Variants in FBRSL1 observed in about 807,000 individuals in gnomAD.
The protein encoded by FBRSL1 is fibrosin-1-like protein.
In FBRSL1, 51 loss-of-function variants were observed where a neutral mutation model predicts 89.6. That is an observed-to-expected ratio of 0.57 (90% CI 0.45 to 0.72). The LOEUF is 0.72. FBRSL1 is among the 30% of genes least tolerant of loss of function. The pLI, the probability that FBRSL1 is intolerant of heterozygous loss-of-function variation, is 0.00. For missense variants in FBRSL1, 1,618 were observed against 1,451.8 expected (o/e 1.11, Z -1.86); for synonymous variants, 779 against 681.1 (o/e 1.14, Z -2.24).
intron 2 of FBRSL1, among the ~76,000 whole-genome samples, chr12:132,516,163 C>T (rs1188667376): frequency 6.6e-6 from 1 of 150,932 alleles, no homozygotes; most frequent in Non-Finnish European, 1.5e-5. Flanking sequence ...ACAAAACTGA[C>T]ACAAGATGAA....
intron 8 of FBRSL1, 97 bp downstream of exon 8, chr12:132,570,637 T>TGTG: frequency 9.0e-7 from 1 of 1,116,076 alleles, no homozygotes; most frequent in Non-Finnish European, 1.2e-6. Flanking sequence ...CTCCACCTGC[T>TGTG]GTGGTCTCTG....
intron 2 of FBRSL1, chr12:132,509,153 T>C: frequency 8.7e-7 from 1 of 1,154,758 alleles, no homozygotes; most frequent in South Asian, 4.1e-5. Flanking sequence ...CACGTGCTCT[T>C]TCTTCCATGC....
At chr12:132,531,352 CAT>C (rs922339907) in intron 4 of FBRSL1, among the ~76,000 whole-genome samples, 3 of 152,186 alleles carry the variant, frequency 2.0e-5, no homozygotes, top group Admixed American at 6.5e-5. Context: ...CTGAGGCTGC[CAT>C]GTGTGTGTGG....
intron 4 of FBRSL1, among the ~76,000 whole-genome samples, chr12:132,535,041 C>T (rs2036593108): frequency 6.6e-6 from 1 of 152,244 alleles, no homozygotes; most frequent in South Asian, 2.1e-4. Context: ...GCGCACAGCC[C>T]TGCTGGAGAG....
chr12:132,560,964 A>C (rs2039075029), intron 5 of FBRSL1, among the ~76,000 whole-genome samples: 1 of 152,130 alleles, frequency 6.6e-6, no homozygotes, highest in African/African-American at 2.4e-5. Flanking sequence ...CTGTCCTAGA[A>C]GGGAAAGAGC....
At chr12:132,548,479 A>G (rs992327936) in intron 5 of FBRSL1, among the ~76,000 whole-genome samples, 1 of 152,176 alleles carries the variant, frequency 6.6e-6, no homozygotes, top group Non-Finnish European at 1.5e-5. Flanking sequence ...TGCGCAGCCT[A>G]TGACCACATC....
At chr12:132,580,488 T>A (rs1387873862) in intron 15 of FBRSL1, among the ~76,000 whole-genome samples, 3 of 152,250 alleles carry the variant, frequency 2.0e-5, no homozygotes, top group Non-Finnish European at 4.4e-5. Flanking sequence ...TAGCTTGATC[T>A]GGTGGTTGAG....
chr12:132,581,405 C>T, intron 15 of FBRSL1, 34 bp from the exon 16 acceptor site: 1 of 1,550,842 alleles, frequency 6.4e-7, no homozygotes, highest in Non-Finnish European at 8.7e-7. Context: ...GGTGCTCTCT[C>T]CTGGCTTCTG....
chr12:132,508,726 C>T (rs1019263527), intron 2 of FBRSL1, among the ~76,000 whole-genome samples: 5 of 152,244 alleles, frequency 3.3e-5, no homozygotes, highest in Admixed American at 6.5e-5. Context: ...GGCTCATTGC[C>T]GAGGGCTGTC....
At chr12:132,576,754 G>A in intron 14 of FBRSL1, 45 bp from the exon 15 acceptor site, 1 of 1,532,466 alleles carries the variant, frequency 6.5e-7, no homozygotes, top group Non-Finnish European at 8.8e-7. Context: ...CTGTGTTCAG[G>A]GCCAGTCCCC....
intron 2 of FBRSL1, chr12:132,511,833 C>A: frequency 1.0e-6 from 1 of 979,268 alleles, no homozygotes; most frequent in South Asian, 4.7e-5. Flanking sequence ...GGCCCCCTCG[C>A]TCCCCACCCA....
intron 4 of FBRSL1, among the ~76,000 whole-genome samples, chr12:132,528,432 C>G (rs1051562602): frequency 6.6e-6 from 1 of 152,184 alleles, no homozygotes; most frequent in African/African-American, 2.4e-5. Context: ...ACCTCCAATG[C>G]CCTGACCGGC....
At chr12:132,525,643 C>A in intron 2 of FBRSL1, 91 bp from the exon 3 acceptor site, 2 of 1,056,966 alleles carry the variant, frequency 1.9e-6, no homozygotes, top group Non-Finnish European at 2.8e-6. Context: ...GCTGGGGTGC[C>A]GGGAGCAGGC....
intron 2 of FBRSL1, among the ~76,000 whole-genome samples, chr12:132,513,779 G>T (rs964531567): frequency 3.3e-5 from 5 of 152,194 alleles, no homozygotes; most frequent in African/African-American, 1.2e-4. Flanking sequence ...GACTGTGGCG[G>T]TGGGGCCAAC....
At chr12:132,565,790 G>A (rs2875212) in intron 5 of FBRSL1, 65,000 of 152,048 alleles carry the variant, frequency 0.43, 14,670 homozygotes, top group East Asian at 0.82. Context: ...GTGGGTGAAC[G>A]TCAAAAGCCG....
At chr12:132,504,223 A>T (rs918153185) in intron 1 of FBRSL1, among the ~76,000 whole-genome samples, 14 of 87,260 alleles carry the variant, frequency 1.6e-4, no homozygotes, top group Non-Finnish European at 3.7e-4. Flanking sequence ...TGGTGCAAAC[A>T]GGCAGCCCCG....
At position 132,541,696 on chromosome 12, in the gene FBRSL1, G is replaced by T. The variant is rs562766435; in HGVS notation, c.616-6307G>T. Among the ~76,000 whole-genome samples, 105 of 152,356 alleles carry T rather than the reference G, an allele frequency of 6.9e-4. 6 individuals carry two copies. In the South Asian group the frequency reaches 0.02, roughly 29 times the overall value. ...TCTCCCCAGCTGCTCTCAGCCCTGG[G>T]GGCTGCCGGTGCCACGCCAGCCCCT... On this transcript the variant is annotated intron_variant, in intron 4 of 18. Transcript: ENST00000680143.
chr12:132,551,546 C>T, intron 5 of FBRSL1: 1 of 456,324 alleles, frequency 2.2e-6, no homozygotes, highest in South Asian at 1.5e-5. Flanking sequence ...CATCCCACAC[C>T]TGCGGGTTTG....
intron 2 of FBRSL1, chr12:132,511,924 A>G (rs900114774): frequency 1.0e-6 from 1 of 985,350 alleles, no homozygotes; most frequent in African/African-American, 1.7e-5. Flanking sequence ...AAGAAAATAA[A>G]AAGTGCCGTG....
Sources: gnomAD v4.1 joint callset for allele counts (sites outside exome capture counted in the v4.1 genomes callset) on GRCh38, gnomAD v4.1.1 for gene constraint, MANE v1.5 for transcripts, NCBI Gene and HGNC (gene_info 2026-07-23, HGNC 2026-07-21) for gene names.